The following GRIP2 variants were observed in gnomAD, a reference collection of about 807,000 sequenced individuals.
GRIP2 encodes the protein glutamate receptor interacting protein 2, also known as glutamate receptor-interacting protein 2.
GRIP2 carries 58 observed loss-of-function variants against 108.3 expected under a neutral mutation model. The observed-to-expected ratio is 0.54, with a 90% CI of 0.43 to 0.67. The LOEUF (loss-of-function observed/expected upper bound fraction) is 0.67, where lower values mean the gene tolerates loss of function less well. Among genes scored for constraint, GRIP2 ranks in the 30% least tolerant of loss-of-function variants. The pLI, the probability that GRIP2 is intolerant of heterozygous loss-of-function variation, is 0.00. For missense variants in GRIP2, 1,278 were observed against 1,430.6 expected (o/e 0.89, Z 1.72); for synonymous variants, 586 against 598.2 (o/e 0.98, Z 0.30).
At chr3:14,527,315 T>C (rs1694584525) in intron 1 of GRIP2, among the ~76,000 whole-genome samples, 1 of 150,962 alleles carries the variant, frequency 6.6e-6, no homozygotes, top group East Asian at 2.0e-4. Flanking sequence ...ATTTAAAGTG[T>C]GTTAAAGCTA....
At position 14,517,224 on chromosome 3, in the gene GRIP2, G is replaced by A. The variant is rs1694274109; in HGVS notation, c.1157-11C>T. Reference sequence around the variant, plus strand: ...GAGTTGAAGACAAGGCTGGGGAGATGAGAGCACAGCCCCGTGAACCCCAGC... The same window carrying A: ...GAGTTGAAGACAAGGCTGGGGAGATAAGAGCACAGCCCCGTGAACCCCAGC... On this transcript the variant is annotated splice_polypyrimidine_tract_variant and intron_variant, in intron 10 of 23. Coordinates refer to ENST00000621039, the MANE Select transcript of GRIP2 (RefSeq NM_001080423.4). 3 of 1,558,532 alleles carry A rather than the reference G, an allele frequency of 1.9e-6. No individual in the cohort carries two copies. Among genetic ancestry groups the A allele is most frequent in the Non-Finnish European group, 2.6e-6 (3 of 1,150,788 alleles).
the GRIP2 span, among the ~76,000 whole-genome samples, chr3:14,596,716 A>G: frequency 6.6e-6 from 1 of 152,112 alleles, no homozygotes. Flanking sequence ...AAGGACTGCT[A>G]TCTTATGTGG....
At chr3:14,584,820 C>G in the GRIP2 span, among the ~76,000 whole-genome samples, 9 of 152,336 alleles carry the variant, frequency 5.9e-5, no homozygotes, top group African/African-American at 1.9e-4. Flanking sequence ...TGGAATCACT[C>G]CTGCCCGCAG....
At position 14,511,337 on chromosome 3, in the gene GRIP2, G is replaced by GT; in HGVS notation, c.1788-28_1788-27insA. 2 of 1,614,002 alleles carry GT rather than the reference G, an allele frequency of 1.2e-6. No homozygotes were observed. Among genetic ancestry groups the GT allele is most frequent in the Non-Finnish European group, 1.7e-6 (2 of 1,179,872 alleles). On this transcript the variant is annotated intron_variant, in intron 15 of 23. Transcript: ENST00000621039. This position sits in a 1 kb window ranked among gnomAD's most constrained non-coding sequence, Gnocchi z 4.1. ...TGCATGAGTCGGGGGCAGAGGGGATGGAAGGAGCCTGGTGCATGCAGGTGC... is the reference window on the plus strand; with the variant it reads ...TGCATGAGTCGGGGGCAGAGGGGATGTGAAGGAGCCTGGTGCATGCAGGTGC...
Position 14,514,335 on chromosome 3 carries a change from G to C in GRIP2, c.1450C>G (p.Pro484Ala). Reference protein sequence around the residue: ...GIFATETLSSPPLVCFIEPDS... With the variant: ...GIFATETLSSAPLVCFIEPDS... Reference sequence around the variant, plus strand: ...GGCTCGATGAAGCACACGAGGGGTGGGGAGGACAGGGTCTCGGTGGCGAAG... The same window carrying C: ...GGCTCGATGAAGCACACGAGGGGTGCGGAGGACAGGGTCTCGGTGGCGAAG... Residue 484 changes from proline to alanine, a missense_variant, in exon 12 of 24, where the codon CCA becomes GCA. Pro to Ala is a conservative substitution (Grantham distance 27, BLOSUM62 -1). Transcript: ENST00000621039. 6.3e-7 allele frequency: 1 copy of C among 1,577,656 alleles called. No homozygotes were observed. The highest frequency in any genetic ancestry group is 8.6e-7 in the Non-Finnish European group (1 of 1,162,774).
intron 1 of GRIP2, among the ~76,000 whole-genome samples, chr3:14,539,468 C>T (rs939347331): frequency 2.6e-5 from 4 of 152,182 alleles, no homozygotes; most frequent in Admixed American, 2.0e-4. Flanking sequence ...GGCCACTGCC[C>T]TCCCTGAGCC....
At chr3:14,537,850 G>A (rs1694870456) in intron 1 of GRIP2, among the ~76,000 whole-genome samples, 1 of 152,216 alleles carries the variant, frequency 6.6e-6, no homozygotes, top group Non-Finnish European at 1.5e-5. Context: ...GACCTAGCAG[G>A]CCTGGAACAA....
At chr3:14,494,522 T>C (rs1462875565) in intron 23 of GRIP2, among the ~76,000 whole-genome samples, 1 of 152,172 alleles carries the variant, frequency 6.6e-6, no homozygotes, top group Admixed American at 6.5e-5. Flanking sequence ...ACGTGTGACT[T>C]TCCAGTCTGT....
At position 14,522,755 on chromosome 3, in the gene GRIP2, C is replaced by A; in HGVS notation, c.566+245G>T. The A allele has an allele frequency of 1.9e-6, 1 of 514,568 alleles. No individual in the cohort carries two copies. Among genetic ancestry groups the A allele is most frequent in the East Asian group, 3.6e-5 (1 of 27,962 alleles). The allele number at this position is 514,568 out of a possible 1,614,324, so 31.9% of individuals were successfully genotyped here. A position where few individuals can be genotyped will look rare whatever the true frequency, so the allele number is the denominator to read the frequency against. ...GGGAAGAACGACACCAAGGCTGCCC[C>A]TCTCCAAACACCCCAACCCCTGAGA... On this transcript the variant is annotated intron_variant, in intron 6 of 23. Transcript: ENST00000621039. This position sits in a 1 kb window ranked among gnomAD's most constrained non-coding sequence, Gnocchi z 4.3.
At chr3:14,527,118 T>G (rs2124932932) in intron 1 of GRIP2, among the ~76,000 whole-genome samples, 1 of 152,076 alleles carries the variant, frequency 6.6e-6, no homozygotes, top group South Asian at 2.1e-4. Context: ...ATTTGGGAAG[T>G]CGAGACTACA....
rs1179254394 is a variant in GRIP2, at chr3:14,505,144, A to G, written c.2573+471T>C. Among the ~76,000 whole-genome samples the G allele has an allele frequency of 6.6e-6, 1 of 152,160 alleles. No individual in the cohort carries two copies. The highest frequency in any genetic ancestry group is 1.5e-5 in the Non-Finnish European group (1 of 68,026). Reference sequence around the variant, plus strand: ...GAACCGCCTGATCAAAAGCACCACGATGGGAGGGTGGCCTGGGCCAGATGA... The same window carrying G: ...GAACCGCCTGATCAAAAGCACCACGGTGGGAGGGTGGCCTGGGCCAGATGA... On this transcript the variant is annotated intron_variant, in intron 20 of 23. Coordinates refer to ENST00000621039, the MANE Select transcript of GRIP2 (RefSeq NM_001080423.4). The surrounding 1 kb of genome is among the most constrained non-coding windows in gnomAD (Gnocchi z 4.2).
Position 14,513,859 on chromosome 3 carries a change from T to A in GRIP2, c.1494-49A>T, listed in dbSNP as rs4685172. 10 of 1,595,168 alleles carry A rather than the reference T, an allele frequency of 6.3e-6. No individual in the cohort carries two copies. The African/African-American group carries it at 1.3e-4, about 21-fold the overall frequency. On this transcript the variant is annotated intron_variant, in intron 12 of 23. Transcript: ENST00000621039. ...GAGAAGAGGCTCCGTGACAGGTCCA[T>A]TGGGAGACAAGAACGCCATGCAGGG... is the stretch of plus-strand genomic sequence containing the variant.
intron 12 of GRIP2, among the ~76,000 whole-genome samples, chr3:14,514,061 G>C (rs1694176785): frequency 6.6e-6 from 1 of 152,260 alleles, no homozygotes. Flanking sequence ...AGAGGACTCT[G>C]CCTTCAGGCA....
Position 14,520,166 on chromosome 3 carries a change from C to T in GRIP2, c.974G>A (p.Arg325Gln), listed in dbSNP as rs111407877. ...KLLASISEKV[R>Q]LEILPVPQSQ... Reference sequence around the variant, plus strand: ...CTGGGGCACAGGCAGGATCTCCAGCCGCACCTTCTCTGAAATGCTGGCCAG... The same window carrying T: ...CTGGGGCACAGGCAGGATCTCCAGCTGCACCTTCTCTGAAATGCTGGCCAG... Residue 325 changes from arginine (R) to glutamine (Q), a missense_variant, in exon 9 of 24, where the codon CGG becomes CAG. Physicochemically the swap from Arg to Gln is conservative, Grantham distance 43. Coordinates refer to ENST00000621039, the MANE Select transcript of GRIP2 (RefSeq NM_001080423.4). 21 of 1,611,834 alleles carry T rather than the reference C, an allele frequency of 1.3e-5. No homozygotes were observed. The highest frequency in any genetic ancestry group is 1.7e-5 in the Non-Finnish European group (20 of 1,179,376).
chr3:14,563,157 A>C, the GRIP2 span, among the ~76,000 whole-genome samples: 1 of 152,184 alleles, frequency 6.6e-6, no homozygotes, highest in African/African-American at 2.4e-5. Flanking sequence ...ACCAGGGAAA[A>C]TTGCACGCAG....
chr3:14,561,709 C>T, the GRIP2 span, among the ~76,000 whole-genome samples: 1 of 152,242 alleles, frequency 6.6e-6, no homozygotes, highest in African/African-American at 2.4e-5. Flanking sequence ...TCAGAGATGC[C>T]TTTAATCTTC....
chr3:14,584,471 T>C, the GRIP2 span, among the ~76,000 whole-genome samples: 3 of 152,198 alleles, frequency 2.0e-5, no homozygotes, highest in South Asian at 6.2e-4. Flanking sequence ...AGTGGACCTC[T>C]TGGAGCCTCA....
chr3:14,510,695 C>T (rs1006973796), intron 16 of GRIP2, among the ~76,000 whole-genome samples: 5 of 152,204 alleles, frequency 3.3e-5, no homozygotes, highest in Non-Finnish European at 7.3e-5. Flanking sequence ...CCAGTTGGCG[C>T]AGTCCTCACC....
chr3:14,557,389 A>G (rs1212531800), upstream of GRIP2, among the ~76,000 whole-genome samples: 1 of 152,212 alleles, frequency 6.6e-6, no homozygotes, highest in African/African-American at 2.4e-5. Flanking sequence ...TTAAACAAAG[A>G]CAGAGCAGGC....
Sources: gnomAD v4.1 joint callset for allele counts (sites outside exome capture counted in the v4.1 genomes callset) on GRCh38, gnomAD v4.1.1 for gene constraint, Gnocchi (gnomAD v3.1) non-coding constraint, MANE v1.5 for transcripts, NCBI Gene and HGNC (gene_info 2026-07-23, HGNC 2026-07-21) for gene names.